CARS1: variants seen among roughly 807,000 people sequenced by gnomAD.
The protein encoded by CARS1 is cysteinyl-tRNA synthetase 1.
CARS1 carries 48 observed loss-of-function variants against 106.2 expected under a neutral mutation model. The observed-to-expected ratio is 0.45, with a 90% CI of 0.36 to 0.57. CARS1 has a LOEUF of 0.57. CARS1 is among the 20% of genes least tolerant of loss of function. The pLI is 0.00. For synonymous variants in CARS1, 409 were observed against 403.4 expected, an observed-to-expected ratio of 1.01 and a Z score of -0.17; for missense variants, 968 against 1,057.2, an observed-to-expected ratio of 0.92 and a Z score of 1.17.
intron 22 of CARS1, among the ~76,000 whole-genome samples, chr11:3,001,466 G>C (rs1020176775): frequency 3.3e-5 from 5 of 152,134 alleles, no homozygotes; most frequent in African/African-American, 9.7e-5. Context: ...CAGAGTCTGG[G>C]GGTGCTTCCT....
At chr11:3,042,977 C>T (rs1854679046) in intron 2 of CARS1, among the ~76,000 whole-genome samples, 1 of 152,204 alleles carries the variant, frequency 6.6e-6, no homozygotes, top group Non-Finnish European at 1.5e-5. Flanking sequence ...GGCCCACAGC[C>T]CAGCAGACTC....
chr11:3,034,140 G>T lies in CARS1; in HGVS notation c.801+3910C>A, dbSNP rs1475991604. ...AAGAGACACAAACACATGCCAACAT[G>T]TAACAGAGATGAATTCGTGTCTTAG... On this transcript the variant is annotated intron_variant, in intron 7 of 22. Coordinates refer to ENST00000380525, the MANE Select transcript of CARS1 (RefSeq NM_001014437.3). The surrounding 1 kb of genome is among the most constrained non-coding windows in gnomAD (Gnocchi z 6.3). 6.6e-6 allele frequency among the ~76,000 whole-genome samples: 1 copy of T among 152,110 alleles called. No homozygotes were observed. The highest frequency in any genetic ancestry group is 1.5e-5 in the Non-Finnish European group (1 of 68,038).
In CARS1 at chr11:3,046,089, C is replaced by T. The variant is rs191759347; in HGVS notation, c.274+1664G>A. Among the ~76,000 whole-genome samples the T allele has an allele frequency of 2.6e-5, 4 of 152,316 alleles. No homozygotes were observed. The highest frequency in any genetic ancestry group is 2.6e-4 in the Admixed American group (4 of 15,300). ...GCCTGGGTGATGAGGGGATTTGGAA[C>T]CTGGGGAGGGCACAGCAACTCCATT... On this transcript the variant is annotated intron_variant, in intron 2 of 22. Transcript: ENST00000380525. The surrounding 1 kb of genome is among the most constrained non-coding windows in gnomAD (Gnocchi z 5.8).
chr11:3,017,303 A>C lies in CARS1; in HGVS notation c.1728-8T>G, dbSNP rs761457584. The C allele has an allele frequency of 2.5e-6, 4 of 1,609,872 alleles. No individual in the cohort carries two copies. In the East Asian group the frequency reaches 8.9e-5, roughly 36 times the overall value. On this transcript the variant is annotated splice_polypyrimidine_tract_variant and splice_region_variant and intron_variant, in intron 15 of 22. Transcript: ENST00000380525. The surrounding 1 kb of genome is among the most constrained non-coding windows in gnomAD (Gnocchi z 4.9). ...GTCTTCTTGTCATAAAAGCTGAGCA[A>C]CAAAGAGGAAGGAATGTGAAGTCAG...
At position 3,020,872 on chromosome 11, in the gene CARS1, T is replaced by C. The variant is rs905470216; in HGVS notation, c.1154-540A>G. On this transcript the variant is annotated intron_variant, in intron 10 of 22. Transcript: ENST00000380525. The surrounding 1 kb of genome is among the most constrained non-coding windows in gnomAD (Gnocchi z 4.6). ...GGCAGTGCAGTGGTGAAGGGGACATTTGCTGTTCCTGTGTATTTATAAGGG... is the reference window on the plus strand; with the variant it reads ...GGCAGTGCAGTGGTGAAGGGGACATCTGCTGTTCCTGTGTATTTATAAGGG... Among the ~76,000 whole-genome samples, 2 of 152,124 alleles carry C rather than the reference T, an allele frequency of 1.3e-5. No individual in the cohort carries two copies. Among genetic ancestry groups the C allele is most frequent in the Non-Finnish European group, 2.9e-5 (2 of 68,024 alleles).
In CARS1 at chr11:3,057,021, C is replaced by A. The variant is rs559396577; in HGVS notation, c.25+322G>T. ...CCAGTGGCCGTCCCTCGGAGCCGGGCACCCGTTGTCCTTCGGATCCTAGGA... is the reference window on the plus strand; with the variant it reads ...CCAGTGGCCGTCCCTCGGAGCCGGGAACCCGTTGTCCTTCGGATCCTAGGA... On this transcript the variant is annotated intron_variant, in intron 1 of 22. Coordinates refer to ENST00000380525, the MANE Select transcript of CARS1 (RefSeq NM_001014437.3). 1.6e-4 allele frequency among the ~76,000 whole-genome samples: 25 copies of A among 152,252 alleles called. No homozygotes were observed. The South Asian group carries it at 5.2e-3, about 32-fold the overall frequency.
intron 2 of CARS1, among the ~76,000 whole-genome samples, chr11:3,047,068 G>A (rs937608631): frequency 1.3e-5 from 2 of 152,136 alleles, no homozygotes; most frequent in Non-Finnish European, 2.9e-5. Context: ...ACGAGGTCGG[G>A]AGATCGAGAC....
rs1436990717 is a variant in CARS1 at position 3,041,583 on chromosome 11, C to T, written c.366+582G>A. Among the ~76,000 whole-genome samples, 1 of 152,172 alleles carries T rather than the reference C, an allele frequency of 6.6e-6. No individual in the cohort carries two copies. Among genetic ancestry groups the T allele is most frequent in the Admixed American group, 6.5e-5 (1 of 15,272 alleles). On this transcript the variant is annotated intron_variant, in intron 3 of 22. Coordinates refer to ENST00000380525, the MANE Select transcript of CARS1 (RefSeq NM_001014437.3). This position sits in a 1 kb window ranked among gnomAD's most constrained non-coding sequence, Gnocchi z 4.9. ...TCCCAAGGAAGGCCATGAACTCCCT[C>T]ACACCTGACTCTCTGTCTGCCAAAC...
intron 17 of CARS1, among the ~76,000 whole-genome samples, chr11:3,013,603 C>T (rs1398508665): frequency 1.3e-5 from 2 of 152,024 alleles, no homozygotes; most frequent in Non-Finnish European, 2.9e-5. Flanking sequence ...GTAATCCCAG[C>T]ACTTTGGGAG....
chr11:3,019,142 C>A lies in CARS1; in HGVS notation c.1392G>T (p.Ser464=), dbSNP rs371368284. 6.6e-7 allele frequency: 1 copy of A among 1,516,284 alleles called. No homozygotes were observed. The highest frequency in any genetic ancestry group is 2.4e-5 in the Admixed American group (1 of 41,776). 93.9% of individuals were successfully genotyped at this position (1,516,284 alleles called of 1,614,324 possible). A position where few individuals can be genotyped will look rare whatever the true frequency, so the allele number is the denominator to read the frequency against. Residue 464 remains serine (S), a synonymous_variant, in exon 12 of 23, where the codon TCG becomes TCT. Coordinates refer to ENST00000380525, the MANE Select transcript of CARS1 (RefSeq NM_001014437.3). The surrounding 1 kb of genome is among the most constrained non-coding windows in gnomAD (Gnocchi z 6.2). ...FPHHDNELAQ[S]EAYFENDCWV... ...AGGGGACTCTGTTTTCACCTACCTC[C>A]GACTGTGCCAGCTCATTGTCATGGT... is the stretch of plus-strand genomic sequence containing the variant.
At chr11:3,027,035 T>G (rs1363091382) in intron 9 of CARS1, 6 of 464,124 alleles carry the variant, frequency 1.3e-5, no homozygotes, top group African/African-American at 1.0e-4. Context: ...CCTGGCGTCC[T>G]GTGACCCATG....
Position 3,041,238 on chromosome 11 carries a change from C to T in CARS1, c.367-254G>A, listed in dbSNP as rs1043702162. 5 of 459,276 alleles carry T rather than the reference C, an allele frequency of 1.1e-5. No homozygotes were observed. The highest frequency in any genetic ancestry group is 3.9e-5 in the Admixed American group (1 of 25,742). 28.5% of individuals were successfully genotyped at this position (459,276 alleles called of 1,614,324 possible). A position where few individuals can be genotyped will look rare whatever the true frequency, so the allele number is the denominator to read the frequency against. The stretch of plus-strand genomic sequence containing the variant: ...GGTTCTACTCATCTATGGAGGGAGG[C>T]GATAAAGGGAATCAATGATTTTATT... On this transcript the variant is annotated intron_variant, in intron 3 of 22. Coordinates refer to ENST00000380525, the MANE Select transcript of CARS1 (RefSeq NM_001014437.3). The surrounding 1 kb of genome is among the most constrained non-coding windows in gnomAD (Gnocchi z 4.9).
intron 18 of CARS1, among the ~76,000 whole-genome samples, chr11:3,011,027 T>C (rs1269901898): frequency 6.6e-6 from 1 of 152,072 alleles, no homozygotes; most frequent in Non-Finnish European, 1.5e-5. Context: ...TCGAGGTCAG[T>C]GTGACCCGGC....
Position 3,039,791 on chromosome 11 carries a change from C to A in CARS1, c.552+44G>T. Reference sequence around the variant, plus strand: ...TGCGAAAGTTCTATCTTCTTTTACACCATCCAATTGCATTTAAAATTTAAT... The same window carrying A: ...TGCGAAAGTTCTATCTTCTTTTACAACATCCAATTGCATTTAAAATTTAAT... On this transcript the variant is annotated intron_variant, in intron 5 of 22. Coordinates refer to ENST00000380525, the MANE Select transcript of CARS1 (RefSeq NM_001014437.3). This position sits in a 1 kb window ranked among gnomAD's most constrained non-coding sequence, Gnocchi z 5.6. 1.0e-6 allele frequency: 1 copy of A among 984,624 alleles called. No homozygotes were observed. The highest frequency in any genetic ancestry group is 1.5e-5 in the South Asian group (1 of 66,892). The allele number at this position is 984,624 out of a possible 1,614,324, so 61.0% of individuals were successfully genotyped here. A position where few individuals can be genotyped will look rare whatever the true frequency, so the allele number is the denominator to read the frequency against.
chr11:3,032,636 T>A (rs1853008042), intron 7 of CARS1, among the ~76,000 whole-genome samples: 1 of 151,780 alleles, frequency 6.6e-6, no homozygotes, highest in Admixed American at 6.6e-5. Context: ...TGTTTAAAAA[T>A]TTTTTCCGAT....
chr11:3,019,931 C>T lies in CARS1; in HGVS notation c.1266+289G>A, dbSNP rs1162024615. ...CCCTGGGGCCTGGAATACTCAGAGT[C>T]ACAGAACACAAGAACCAAGAAGCCT... is the stretch of plus-strand genomic sequence containing the variant. On this transcript the variant is annotated intron_variant, in intron 11 of 22. Transcript: ENST00000380525. The surrounding 1 kb of genome is among the most constrained non-coding windows in gnomAD (Gnocchi z 6.2). Among the ~76,000 whole-genome samples the T allele has an allele frequency of 1.3e-5, 2 of 152,172 alleles. No homozygotes were observed. Among genetic ancestry groups the T allele is most frequent in the African/African-American group, 4.8e-5 (2 of 41,432 alleles).
intron 12 of CARS1, 81 bp from the exon 13 acceptor site, chr11:3,018,830 G>C: frequency 1.3e-6 from 2 of 1,527,564 alleles, no homozygotes; most frequent in Non-Finnish European, 1.8e-6. Flanking sequence ...CTGCTGCCTT[G>C]TTGGTGCTGT....
chr11:3,037,089 C>G lies in CARS1; in HGVS notation c.801+961G>C, dbSNP rs144307591. Among the ~76,000 whole-genome samples, 830 of 152,206 alleles carry G rather than the reference C, an allele frequency of 5.5e-3. 8 individuals are homozygous for G. Among genetic ancestry groups the G allele is most frequent in the African/African-American group, 0.019 (781 of 41,510 alleles). On this transcript the variant is annotated intron_variant, in intron 7 of 22. Transcript: ENST00000380525. This position sits in a 1 kb window ranked among gnomAD's most constrained non-coding sequence, Gnocchi z 5.9. ...GTTGGTAAGAAGGAAACCTAACTGC[C>G]CGTCCCAGGAGAACAGACAAACAGC...
rs571657729 is a variant in CARS1 at position 3,025,102 on chromosome 11, C to T, written c.1153+1574G>A. Among the ~76,000 whole-genome samples the T allele has an allele frequency of 9.2e-5, 14 of 152,290 alleles. No individual in the cohort carries two copies. In the East Asian group the frequency reaches 9.6e-4, roughly 10 times the overall value. On this transcript the variant is annotated intron_variant, in intron 10 of 22. Coordinates refer to ENST00000380525, the MANE Select transcript of CARS1 (RefSeq NM_001014437.3). ...AGGCTGCATCCTCTCAGAGCTGAGG[C>T]GCTTCATCATCACAAACCCGCCCCT...
Sources: gnomAD v4.1 joint callset for allele counts (sites outside exome capture counted in the v4.1 genomes callset) on GRCh38, gnomAD v4.1.1 for gene constraint, Gnocchi (gnomAD v3.1) non-coding constraint, MANE v1.5 for transcripts, NCBI Gene and HGNC (gene_info 2026-07-23, HGNC 2026-07-21) for gene names.